The following ACOXL variants were observed in gnomAD, a reference collection of about 807,000 sequenced individuals.
ACOXL encodes acyl-coenzyme A oxidase-like protein.
A neutral mutation model predicts 71.9 loss-of-function variants in ACOXL; 70 were observed. The observed-to-expected ratio is 0.97, with a 90% CI of 0.80 to 1.19. The LOEUF is 1.19. Among genes scored for constraint, ACOXL ranks in the 50% most tolerant of loss-of-function variants. ACOXL has a pLI of 0.00. For synonymous variants in ACOXL, 253 were observed against 281.6 expected (o/e 0.90, Z 1.02); for missense variants, 703 against 736.3 (o/e 0.95, Z 0.52).
intron 12 of ACOXL, among the ~76,000 whole-genome samples, chr2:110,953,467 G>T (rs1320138017): frequency 6.6e-6 from 1 of 152,006 alleles, no homozygotes. Context: ...AGAGGAGTGC[G>T]TCTTCTGCAA....
At chr2:110,783,930 T>C (rs1683636653) in intron 2 of ACOXL, among the ~76,000 whole-genome samples, 1 of 152,238 alleles carries the variant, frequency 6.6e-6, no homozygotes. Context: ...GCCTCATTTG[T>C]CACTGGTGGA....
chr2:110,744,383 G>A (rs966860839), intron 1 of ACOXL, among the ~76,000 whole-genome samples: 1 of 152,220 alleles, frequency 6.6e-6, no homozygotes, highest in African/African-American at 2.4e-5. Flanking sequence ...AGAGGACAGA[G>A]TTAGGAGGTG....
chr2:111,086,586 G>A (rs2068219881), intron 16 of ACOXL, among the ~76,000 whole-genome samples: 1 of 152,084 alleles, frequency 6.6e-6, no homozygotes, highest in Non-Finnish European at 1.5e-5. Context: ...TGGTTTATTG[G>A]GGGTTTTTAA....
At chr2:110,955,685 C>T (rs1401924617) in intron 12 of ACOXL, among the ~76,000 whole-genome samples, 1 of 152,100 alleles carries the variant, frequency 6.6e-6, no homozygotes, top group East Asian at 1.9e-4. Flanking sequence ...TCCAGCCCAG[C>T]CTTCTTTCCA....
chr2:110,889,531 C>T (rs1697697220), intron 10 of ACOXL, among the ~76,000 whole-genome samples: 1 of 152,154 alleles, frequency 6.6e-6, no homozygotes, highest in African/African-American at 2.4e-5. Context: ...AAGAACAAAT[C>T]CACTTTCTGT....
chr2:110,803,314 A>C (rs1159224540), intron 8 of ACOXL, among the ~76,000 whole-genome samples: 4 of 152,264 alleles, frequency 2.6e-5, no homozygotes, highest in African/African-American at 9.6e-5. Context: ...TATTTGAATA[A>C]GGATAGATAT....
chr2:110,995,006 A>G (rs1476063927), intron 13 of ACOXL, among the ~76,000 whole-genome samples: 1 of 152,066 alleles, frequency 6.6e-6, no homozygotes, highest in Non-Finnish European at 1.5e-5. Context: ...TGAATAATTC[A>G]CAGCAGATAA....
chr2:111,103,578 T>C (rs928115708), intron 17 of ACOXL, among the ~76,000 whole-genome samples: 8 of 152,188 alleles, frequency 5.3e-5, no homozygotes, highest in Non-Finnish European at 1.0e-4. Context: ...TTTCGGGACT[T>C]TGGGGATGCA....
intron 15 of ACOXL, among the ~76,000 whole-genome samples, chr2:111,036,504 C>T (rs1320451917): frequency 6.6e-6 from 1 of 152,342 alleles, no homozygotes. Context: ...GTAGACCCAG[C>T]ATCTTGGAGG....
At chr2:110,921,600 A>G (rs141236145) in intron 11 of ACOXL, among the ~76,000 whole-genome samples, 4,837 of 151,952 alleles carry the variant, frequency 0.032, 119 homozygotes, top group Non-Finnish European at 0.051. Flanking sequence ...TCACCGTGTT[A>G]GCCAGGATGG....
intron 15 of ACOXL, among the ~76,000 whole-genome samples, chr2:111,039,405 A>G (rs1298115463): frequency 7.2e-6 from 1 of 139,800 alleles, no homozygotes; most frequent in East Asian, 2.0e-4. Context: ...ATGAGAACCA[A>G]AAAGAAAAAA....
chr2:110,868,875 G>C (rs1694936883), intron 10 of ACOXL, among the ~76,000 whole-genome samples: 1 of 152,214 alleles, frequency 6.6e-6, no homozygotes, highest in African/African-American at 2.4e-5. Flanking sequence ...GCAGGCGTGA[G>C]CCACTGCTTC....
At chr2:110,793,872 T>C in intron 4 of ACOXL, 136 bp downstream of exon 4, 1 of 921,400 alleles carries the variant, frequency 1.1e-6, no homozygotes, top group South Asian at 1.6e-5. Flanking sequence ...TTGTTGAAAA[T>C]GAGAATTCCA....
chr2:110,915,322 TTG>T (rs2059798883), intron 11 of ACOXL, among the ~76,000 whole-genome samples: 1 of 148,972 alleles, frequency 6.7e-6, no homozygotes, highest in Non-Finnish European at 1.5e-5. Flanking sequence ...TTGAAATTTT[TTG>T]TTATATGCAT....
At chr2:110,968,696 G>A (rs1235767665) in intron 12 of ACOXL, 2 of 1,144,454 alleles carry the variant, frequency 1.7e-6, no homozygotes, top group Non-Finnish European at 2.4e-6. Context: ...CTTCCTCAGA[G>A]CTCAGGAGCG....
chr2:110,864,805 A>G (rs1694363118), intron 10 of ACOXL, among the ~76,000 whole-genome samples: 1 of 152,152 alleles, frequency 6.6e-6, no homozygotes, highest in African/African-American at 2.4e-5. Flanking sequence ...AGCTCACCCC[A>G]TTGGATCTCT....
intron 16 of ACOXL, among the ~76,000 whole-genome samples, chr2:111,054,089 G>A (rs1203467749): frequency 2.0e-5 from 3 of 152,172 alleles, no homozygotes; most frequent in Non-Finnish European, 4.4e-5. Context: ...GGCCTGGCTC[G>A]GTCACCTTGC....
chr2:110,814,648 T>C (rs1687712492), intron 9 of ACOXL, among the ~76,000 whole-genome samples: 1 of 152,198 alleles, frequency 6.6e-6, no homozygotes, highest in Non-Finnish European at 1.5e-5. Context: ...ATTATTGTTA[T>C]AAGTTTGTGT....
intron 8 of ACOXL, among the ~76,000 whole-genome samples, chr2:110,802,846 T>C (rs1478604573): frequency 6.6e-6 from 1 of 152,160 alleles, no homozygotes; most frequent in Non-Finnish European, 1.5e-5. Context: ...AACAATAATG[T>C]GTTGTATATT....
Sources: allele counts gnomAD v4.1 joint callset (sites outside exome capture counted in the v4.1 genomes callset), GRCh38; gene constraint gnomAD v4.1.1; transcripts MANE v1.5; gene names NCBI Gene and HGNC (gene_info 2026-07-23, HGNC 2026-07-21).